The following FHIT variants were observed in gnomAD, a reference collection of about 807,000 sequenced individuals.
FHIT encodes the protein fragile histidine triad diadenosine triphosphatase, also known as bis(5'-adenosyl)-triphosphatase.
A neutral mutation model predicts 17.9 loss-of-function variants in FHIT; 19 were observed. The ratio of observed to expected loss-of-function variants is 1.06; its 90% confidence interval spans 0.74 to 1.56. FHIT has a LOEUF of 1.56. Ranked by LOEUF, FHIT falls within the 40% of genes most tolerant of loss-of-function variation. The probability of loss-of-function intolerance (pLI) is 0.00; values close to 1 mark genes in which losing one functional copy is unlikely to be tolerated. For synonymous variants in FHIT, 81 were observed against 69.7 expected (o/e 1.16, Z -0.81); for missense variants, 248 against 189.2 (o/e 1.31, Z -1.82).
intron 5 of FHIT, among the ~76,000 whole-genome samples, chr3:60,196,428 C>T (rs1052479142): frequency 1.3e-5 from 2 of 152,124 alleles, no homozygotes; most frequent in Non-Finnish European, 2.9e-5. Flanking sequence ...CGCTTGCCTC[C>T]CTCTTTCATT....
At chr3:61,128,361 A>G (rs1200363509) in intron 2 of FHIT, among the ~76,000 whole-genome samples, 1 of 152,240 alleles carries the variant, frequency 6.6e-6, no homozygotes, top group Non-Finnish European at 1.5e-5. Context: ...CAAATGAAAT[A>G]TAAAAGTATC....
At chr3:59,845,294 T>C (rs1701678321) in intron 8 of FHIT, among the ~76,000 whole-genome samples, 1 of 152,072 alleles carries the variant, frequency 6.6e-6, no homozygotes, top group African/African-American at 2.4e-5. Flanking sequence ...CCATCTCATT[T>C]ATCTTTGCTC....
At chr3:60,998,518 A>G (rs998350219) in intron 3 of FHIT, among the ~76,000 whole-genome samples, 26 of 152,142 alleles carry the variant, frequency 1.7e-4, no homozygotes, top group African/African-American at 6.0e-4. Context: ...GTCTACTTTT[A>G]TTAATCCCCT....
intron 5 of FHIT, among the ~76,000 whole-genome samples, chr3:60,411,013 A>G (rs979383381): frequency 3.9e-5 from 6 of 152,170 alleles, no homozygotes; most frequent in East Asian, 1.9e-4. Flanking sequence ...CCAAATGTCA[A>G]TGTAAAGGAG....
chr3:60,624,608 G>T (rs2885865), intron 4 of FHIT, among the ~76,000 whole-genome samples: 1 of 151,934 alleles, frequency 6.6e-6, no homozygotes, highest in Non-Finnish European at 1.5e-5. Flanking sequence ...AAGAAAAACT[G>T]GATAAAGGCA....
At chr3:60,627,575 G>A (rs1400731945) in intron 4 of FHIT, among the ~76,000 whole-genome samples, 3 of 152,142 alleles carry the variant, frequency 2.0e-5, no homozygotes, top group Non-Finnish European at 4.4e-5. Flanking sequence ...ACAGGCTGGA[G>A]TGCAGTGGCG....
At chr3:60,972,019 G>T (rs1403906813) in intron 3 of FHIT, among the ~76,000 whole-genome samples, 6 of 152,074 alleles carry the variant, frequency 3.9e-5, no homozygotes, top group Non-Finnish European at 8.8e-5. Context: ...TGAACTCATG[G>T]ATATAAAATA....
At chr3:61,103,535 T>G (rs143404764) in intron 2 of FHIT, among the ~76,000 whole-genome samples, 2,395 of 152,276 alleles carry the variant, frequency 0.016, 62 homozygotes, top group African/African-American at 0.055. Flanking sequence ...ATTCTGTTGA[T>G]TTGGAGTGGA....
At position 60,578,440 on chromosome 3, in the gene FHIT, A is replaced by AACACACACACACAC. The variant is rs71748891; in HGVS notation, c.-17-41475_-17-41462dup. ...CGAAAGAGCATGACTCCATCTACAAAACACACACACACACACACACACACA... is the reference window on the plus strand; with the variant it reads ...CGAAAGAGCATGACTCCATCTACAAAACACACACACACACACACACACACACACACACACACACA... On this transcript the variant is annotated intron_variant, in intron 4 of 9. Coordinates refer to ENST00000492590, the MANE Select transcript of FHIT (RefSeq NM_002012.4). 3.2e-3 allele frequency among the ~76,000 whole-genome samples: 464 copies of AACACACACACACAC among 144,384 alleles called. 4 individuals are homozygous for AACACACACACACAC. Among genetic ancestry groups the AACACACACACACAC allele is most frequent in the African/African-American group, 6.6e-3 (253 of 38,400 alleles). The allele number at this position is 144,384 out of a possible 152,430, so 94.7% of individuals were successfully genotyped here. A position where few individuals can be genotyped will look rare whatever the true frequency, so the allele number is the denominator to read the frequency against.
At chr3:61,032,895 C>A (rs1446475860) in intron 3 of FHIT, among the ~76,000 whole-genome samples, 1 of 152,214 alleles carries the variant, frequency 6.6e-6, no homozygotes, top group Non-Finnish European at 1.5e-5. Flanking sequence ...CCAGCCCAAG[C>A]CCAGGGGCCT....
chr3:60,094,646 G>C (rs1258609174), intron 5 of FHIT, among the ~76,000 whole-genome samples: 1 of 152,134 alleles, frequency 6.6e-6, no homozygotes, highest in Non-Finnish European at 1.5e-5. Flanking sequence ...CTGTGAAAGG[G>C]AAGTGATGCC....
At chr3:60,452,863 G>T (rs1460624285) in intron 5 of FHIT, among the ~76,000 whole-genome samples, 1 of 152,068 alleles carries the variant, frequency 6.6e-6, no homozygotes, top group Non-Finnish European at 1.5e-5. Context: ...AAGGTACATT[G>T]AAAGTATGCA....
intron 5 of FHIT, among the ~76,000 whole-genome samples, chr3:60,167,938 G>A (rs1701250857): frequency 6.6e-6 from 1 of 152,118 alleles, no homozygotes; most frequent in African/African-American, 2.4e-5. Flanking sequence ...GGGGGAAGAT[G>A]GGCTGAGCCT....
At chr3:60,040,769 C>T (rs1701406069) in intron 5 of FHIT, among the ~76,000 whole-genome samples, 1 of 152,020 alleles carries the variant, frequency 6.6e-6, no homozygotes, top group African/African-American at 2.4e-5. Flanking sequence ...TGGAGTGACT[C>T]CAGGGCACCA....
At chr3:60,698,753 C>A (rs111745512) in intron 4 of FHIT, among the ~76,000 whole-genome samples, 1,663 of 152,112 alleles carry the variant, frequency 0.011, 33 homozygotes, top group African/African-American at 0.038. Flanking sequence ...ATTTTTAAAG[C>A]ATTTCCAGTT....
intron 2 of FHIT, among the ~76,000 whole-genome samples, chr3:61,106,225 T>C (rs559590852): frequency 7.2e-5 from 11 of 152,312 alleles, no homozygotes; most frequent in Admixed American, 2.0e-4. Context: ...TTGTTTGTTT[T>C]AATATATGTA....
At chr3:60,408,320 A>G (rs1701948161) in intron 5 of FHIT, among the ~76,000 whole-genome samples, 1 of 152,154 alleles carries the variant, frequency 6.6e-6, no homozygotes, top group African/African-American at 2.4e-5. Flanking sequence ...TTTAATGCCA[A>G]CAAAGTCCCA....
chr3:59,978,281 A>G (rs922062272), intron 7 of FHIT, among the ~76,000 whole-genome samples: 1 of 152,090 alleles, frequency 6.6e-6, no homozygotes, highest in Non-Finnish European at 1.5e-5. Flanking sequence ...AAATTTCAAG[A>G]AGGCCTGTCA....
At chr3:60,145,126 G>A (rs552406704) in intron 5 of FHIT, among the ~76,000 whole-genome samples, 3 of 151,004 alleles carry the variant, frequency 2.0e-5, no homozygotes, top group Admixed American at 6.6e-5. Flanking sequence ...TTATTCATAT[G>A]TTCTCACTGT....
Sources: allele counts gnomAD v4.1 joint callset (sites outside exome capture counted in the v4.1 genomes callset), GRCh38; gene constraint gnomAD v4.1.1; transcripts MANE v1.5; gene names NCBI Gene and HGNC (gene_info 2026-07-23, HGNC 2026-07-21).